The following HHIP variants were observed in gnomAD, a reference collection of about 807,000 sequenced individuals.
The protein encoded by HHIP is hedgehog-interacting protein.
HHIP carries 12 observed loss-of-function variants against 74.0 expected under a neutral mutation model. The ratio of observed to expected loss-of-function variants is 0.16; its 90% CI spans 0.10 to 0.26. The LOEUF is 0.26. Ranked by LOEUF, HHIP falls within the 10% of genes least tolerant of loss-of-function variation. The probability of loss-of-function intolerance (pLI) is 1.00; values close to 1 mark genes in which losing one functional copy is unlikely to be tolerated. For synonymous variants in HHIP, 309 were observed against 311.6 expected (o/e 0.99, Z 0.09); for missense variants, 788 against 845.0 (o/e 0.93, Z 0.84).
In HHIP at chr4:144,722,111, C is replaced by T. The variant is rs147387362; in HGVS notation, c.1760+3155C>T. On this transcript the variant is annotated intron_variant, in intron 11 of 12. Coordinates refer to ENST00000296575, the MANE Select transcript of HHIP (RefSeq NM_022475.3). Reference sequence around the variant, plus strand: ...AAAAAGTCTCTAGTACTGAATTCAGCATGCCATAGCCTGGGGGATCCTTCA... The same window carrying T: ...AAAAAGTCTCTAGTACTGAATTCAGTATGCCATAGCCTGGGGGATCCTTCA... 7.8e-3 allele frequency among the ~76,000 whole-genome samples: 1,189 copies of T among 152,258 alleles called. 10 individuals are homozygous for T. Among genetic ancestry groups the T allele is most frequent in the Non-Finnish European group, 0.012 (787 of 68,014 alleles).
At chr4:144,700,832 A>T (rs1175393281) in intron 4 of HHIP, among the ~76,000 whole-genome samples, 1 of 152,178 alleles carries the variant, frequency 6.6e-6, no homozygotes, top group East Asian at 1.9e-4. Context: ...TCAAGCCACA[A>T]AGTTTGTGGT....
intron 4 of HHIP, among the ~76,000 whole-genome samples, chr4:144,669,106 C>T (rs1051921137): frequency 6.6e-6 from 1 of 151,822 alleles, no homozygotes; most frequent in Non-Finnish European, 1.5e-5. Context: ...TAGTAGTCAT[C>T]AATTGATATT....
At chr4:144,718,044 G>A (rs1578721692) in intron 10 of HHIP, among the ~76,000 whole-genome samples, 1 of 152,326 alleles carries the variant, frequency 6.6e-6, no homozygotes, top group East Asian at 1.9e-4. Flanking sequence ...TGGATAAAGA[G>A]ACAAAAGTCT....
chr4:144,713,562 T>C, intron 8 of HHIP, among the ~76,000 whole-genome samples: 1 of 152,160 alleles, frequency 6.6e-6, no homozygotes, highest in South Asian at 2.1e-4. Context: ...AGCATGCAGA[T>C]ATCCAAGTAT....
rs925138782 is a variant in HHIP, at chr4:144,741,070, T to C, written c.*3113T>C. On this transcript the variant is annotated 3_prime_UTR_variant, in exon 13 of 13. Coordinates refer to ENST00000296575, the MANE Select transcript of HHIP (RefSeq NM_022475.3). ...GAGAGAAAAAATTTAAGAAATTGAG[T>C]GATGGCTAAAAGTAAGTGCTTCCAT... 1.3e-5 allele frequency: 2 copies of C among 152,072 alleles called. No homozygotes were observed. The highest frequency in any genetic ancestry group is 6.6e-5 in the Admixed American group (1 of 15,254). 9.4% of individuals were successfully genotyped at this position (152,072 alleles called of 1,614,324 possible).
chr4:144,680,246 A>C (rs926695097), intron 4 of HHIP, among the ~76,000 whole-genome samples: 4 of 151,776 alleles, frequency 2.6e-5, no homozygotes, highest in Non-Finnish European at 5.9e-5. Context: ...ACCAAAAAAA[A>C]ACTTCTTGTT....
At chr4:144,726,559 T>C (rs182614405) in intron 11 of HHIP, among the ~76,000 whole-genome samples, 295 of 152,372 alleles carry the variant, frequency 1.9e-3, no homozygotes, top group African/African-American at 6.7e-3. Context: ...AAGTTCTTGA[T>C]GTAGGTAAAA....
Position 144,646,279 on chromosome 4 carries a change from G to T in HHIP, c.-397G>T. On this transcript the variant is annotated 5_prime_UTR_variant, in exon 1 of 13. Transcript: ENST00000296575. ...CGTCGCCGTTTCTGTTCCTGCTACT[G>T]TCCCACCTAAACAACTCCCGTTACA... 5.6e-6 allele frequency: 1 copy of T among 178,010 alleles called. No homozygotes were observed. The highest frequency in any genetic ancestry group is 1.2e-5 in the Non-Finnish European group (1 of 84,996). The allele number at this position is 178,010 out of a possible 1,614,324, so 11.0% of individuals were successfully genotyped here. A position where few individuals can be genotyped will look rare whatever the true frequency, so the allele number is the denominator to read the frequency against.
Position 144,714,265 on chromosome 4 carries a change from T to C in HHIP, c.1464T>C (p.Asn488=). The C allele has an allele frequency of 1.2e-6, 2 of 1,613,326 alleles. No homozygotes were observed. The highest frequency in any genetic ancestry group is 1.7e-6 in the Non-Finnish European group (2 of 1,179,454). The change falls in exon 9 of 13, where the codon AAT becomes AAC. Residue 488 remains asparagine (N), a synonymous_variant. Coordinates refer to ENST00000296575, the MANE Select transcript of HHIP (RefSeq NM_022475.3). ...PSLLEFKPFS[N]GPLVGGFVYR... ...TTTTAGAATTCAAGCCATTCAGTAA[T>C]GGTCCTTTGGTTGGTGGATTTGTAT... is the stretch of plus-strand genomic sequence containing the variant.
chr4:144,723,634 G>A (rs1730699762), intron 11 of HHIP, among the ~76,000 whole-genome samples: 1 of 152,096 alleles, frequency 6.6e-6, no homozygotes, highest in African/African-American at 2.4e-5. Context: ...TTCCCACAGT[G>A]CCTGTTGACC....
At chr4:144,652,839 A>T (rs766647260) in intron 2 of HHIP, 42 bp downstream of exon 2, 1 of 1,290,684 alleles carries the variant, frequency 7.7e-7, no homozygotes, top group South Asian at 1.4e-5. Context: ...CCACTGCACA[A>T]TATCCTTGTA....
At chr4:144,709,250 T>C (rs1390565983) in intron 7 of HHIP, among the ~76,000 whole-genome samples, 2 of 152,246 alleles carry the variant, frequency 1.3e-5, no homozygotes, top group Non-Finnish European at 2.9e-5. Flanking sequence ...ATTTCCTTTT[T>C]GGCATCTCAG....
intron 11 of HHIP, among the ~76,000 whole-genome samples, chr4:144,732,773 T>C (rs1452253753): frequency 6.6e-6 from 1 of 152,208 alleles, no homozygotes; most frequent in Non-Finnish European, 1.5e-5. Flanking sequence ...CCTGCAAATT[T>C]TGCATTGCCT....
rs1393572066 is a variant in HHIP at position 144,739,124 on chromosome 4, GT to G, written c.*1169del. On this transcript the variant is annotated 3_prime_UTR_variant, in exon 13 of 13. Coordinates refer to ENST00000296575, the MANE Select transcript of HHIP (RefSeq NM_022475.3). ...GCCAAATATGACTTTAAATGTACGT[GT>G]TCCTTCAGAACTCAATGAAAATACT... is the stretch of plus-strand genomic sequence containing the variant. 1 of 152,120 alleles carries G rather than the reference GT, an allele frequency of 6.6e-6. No homozygotes were observed. Among genetic ancestry groups the G allele is most frequent in the Admixed American group, 6.6e-5 (1 of 15,266 alleles). 9.4% of individuals were successfully genotyped at this position (152,120 alleles called of 1,614,324 possible).
At chr4:144,663,682 T>A (rs1042906404) in intron 4 of HHIP, among the ~76,000 whole-genome samples, 9 of 152,228 alleles carry the variant, frequency 5.9e-5, no homozygotes, top group Non-Finnish European at 1.3e-4. Context: ...AAAAATGGTA[T>A]TTAAAAATCT....
intron 11 of HHIP, among the ~76,000 whole-genome samples, chr4:144,730,684 T>C (rs903032122): frequency 6.6e-6 from 1 of 152,188 alleles, no homozygotes; most frequent in Non-Finnish European, 1.5e-5. Context: ...TGTGTATATG[T>C]AGTACTTAAG....
At chr4:144,651,717 T>C (rs1052347870) in intron 1 of HHIP, among the ~76,000 whole-genome samples, 3 of 151,728 alleles carry the variant, frequency 2.0e-5, no homozygotes, top group African/African-American at 7.2e-5. Flanking sequence ...TTAAAGGAGA[T>C]TCTGAAGTCA....
chr4:144,646,854 A>AGCT lies in HHIP; in HGVS notation c.184_186dup (p.Leu62dup), dbSNP rs1421896324. 2 of 1,614,060 alleles carry AGCT rather than the reference A, an allele frequency of 1.2e-6. No individual in the cohort carries two copies. Among genetic ancestry groups the AGCT allele is most frequent in the Admixed American group, 1.7e-5 (1 of 60,002 alleles). On this transcript the variant is annotated inframe_insertion, in exon 1 of 13. Coordinates refer to ENST00000296575, the MANE Select transcript of HHIP (RefSeq NM_022475.3). Reference sequence around the variant, plus strand: ...GACAGGAGGATGATGTCCCAGCTGGAGCTGCTGAGTGGGGGAGAGATGCTG... The same window carrying AGCT: ...GACAGGAGGATGATGTCCCAGCTGGAGCTGCTGCTGAGTGGGGGAGAGATGCTG...
chr4:144,733,608 T>C (rs1198451499), intron 11 of HHIP, among the ~76,000 whole-genome samples: 2 of 152,222 alleles, frequency 1.3e-5, no homozygotes, highest in African/African-American at 4.8e-5. Flanking sequence ...GGTTTTGACC[T>C]GTAATGATCA....
Sources: allele counts gnomAD v4.1 joint callset (sites outside exome capture counted in the v4.1 genomes callset), GRCh38; gene constraint gnomAD v4.1.1; transcripts MANE v1.5; gene names NCBI Gene and HGNC (gene_info 2026-07-23, HGNC 2026-07-21).